The following SYCE2 variants were observed in gnomAD, a reference collection of about 807,000 sequenced individuals.
SYCE2 encodes the protein central element synaptonemal complex 1.
Under a neutral mutation model 27.9 loss-of-function variants are expected in SYCE2, and 3 were observed. The observed-to-expected ratio is 0.11, with a 90% CI of 0.05 to 0.28. The LOEUF is 0.28. SYCE2 is among the 10% of genes least tolerant of loss of function. SYCE2 has a pLI of 1.00. For missense variants in SYCE2, 207 were observed against 263.5 expected (o/e 0.79, Z 1.48); for synonymous variants, 85 against 100.7 (o/e 0.84, Z 0.93).
chr19:12,919,187 TC>T (rs1971196812), intron 1 of SYCE2, 55 bp downstream of exon 1: 2 of 1,603,364 alleles, frequency 1.2e-6, no homozygotes, highest in African/African-American at 2.7e-5. Context: ...TCGCAGCCGT[TC>T]CCTGCCTATC....
At chr19:12,915,601 CAA>C (rs71168634) in intron 2 of SYCE2, among the ~76,000 whole-genome samples, 26 of 81,202 alleles carry the variant, frequency 3.2e-4, no homozygotes, top group Non-Finnish European at 3.2e-4. Flanking sequence ...GACTCCATCT[CAA>C]AAAAAAAAAA....
At chr19:12,916,991 C>T (rs1273861277) in intron 2 of SYCE2, among the ~76,000 whole-genome samples, 1 of 151,998 alleles carries the variant, frequency 6.6e-6, no homozygotes. Flanking sequence ...CTCAAGTTAT[C>T]TGCCAGCGCC....
intron 2 of SYCE2, among the ~76,000 whole-genome samples, chr19:12,911,074 T>C (rs1389034165): frequency 2.6e-5 from 4 of 152,070 alleles, no homozygotes; most frequent in Non-Finnish European, 5.9e-5. Context: ...CAGGCTCAAG[T>C]GATCCTCTCG....
chr19:12,908,231 C>T (rs1970975497), intron 2 of SYCE2, among the ~76,000 whole-genome samples: 1 of 151,876 alleles, frequency 6.6e-6, no homozygotes, highest in Admixed American at 6.6e-5. Flanking sequence ...TCTTTCCTCC[C>T]CATCAAGGCC....
intron 2 of SYCE2, among the ~76,000 whole-genome samples, chr19:12,907,359 C>G (rs1970953390): frequency 6.6e-6 from 1 of 152,232 alleles, no homozygotes; most frequent in African/African-American, 2.4e-5. Flanking sequence ...CGCCACTCCC[C>G]TCCTGGATCT....
chr19:12,909,139 C>T (rs1970998665), intron 2 of SYCE2, among the ~76,000 whole-genome samples: 1 of 152,184 alleles, frequency 6.6e-6, no homozygotes, highest in Admixed American at 6.5e-5. Context: ...TGCTGAAGGG[C>T]CAGGGCCATC....
At chr19:12,905,223 G>A (rs554105951) in intron 2 of SYCE2, among the ~76,000 whole-genome samples, 17 of 152,080 alleles carry the variant, frequency 1.1e-4, no homozygotes, top group Non-Finnish European at 1.0e-4. Flanking sequence ...GACTAAATAT[G>A]CCCAAGGTTC....
chr19:12,913,551 G>T (rs1433664616), intron 2 of SYCE2, among the ~76,000 whole-genome samples: 1 of 152,168 alleles, frequency 6.6e-6, no homozygotes, highest in Admixed American at 6.5e-5. Flanking sequence ...CAGGAAGGGG[G>T]AAGGTTTGAA....
chr19:12,917,676 T>TTTTTTTTTTTA (rs1971161330), intron 2 of SYCE2, among the ~76,000 whole-genome samples: 6 of 146,694 alleles, frequency 4.1e-5, no homozygotes, highest in East Asian at 2.0e-4. Flanking sequence ...TTTTTTTTTT[T>TTTTTTTTTTTA]GAGACAGCGT....
intron 4 of SYCE2, 167 bp downstream of exon 4, chr19:12,900,293 T>A (rs1459043328): frequency 9.5e-7 from 1 of 1,050,524 alleles, no homozygotes; most frequent in East Asian, 2.6e-5. Context: ...AGACACACCA[T>A]GTTATAGGGG....
At chr19:12,919,173 G>C in intron 1 of SYCE2, 70 bp downstream of exon 1, 2 of 1,593,472 alleles carry the variant, frequency 1.3e-6, no homozygotes, top group Non-Finnish European at 1.7e-6. Context: ...GGAGATGGCT[G>C]GGATCGCAGC....
At chr19:12,901,900 G>C (rs1427034387) in intron 3 of SYCE2, among the ~76,000 whole-genome samples, 16 of 152,280 alleles carry the variant, frequency 1.1e-4, no homozygotes, top group African/African-American at 3.8e-4. Flanking sequence ...ACAGGCATGA[G>C]CCACTGCACC....
chr19:12,917,764 A>C (rs1459575147), intron 2 of SYCE2, among the ~76,000 whole-genome samples: 11 of 144,708 alleles, frequency 7.6e-5, no homozygotes. Flanking sequence ...GGTTCAAGCG[A>C]TTCTCCTGCC....
At chr19:12,899,911 C>T in intron 5 of SYCE2, 93 bp downstream of exon 5, 1 of 1,494,738 alleles carries the variant, frequency 6.7e-7, no homozygotes, top group South Asian at 1.1e-5. Context: ...GGGGGTAGTG[C>T]CTTATGCTGG....
At chr19:12,906,839 C>T (rs1483456277) in intron 2 of SYCE2, among the ~76,000 whole-genome samples, 1 of 151,408 alleles carries the variant, frequency 6.6e-6, no homozygotes, top group South Asian at 2.1e-4. Flanking sequence ...ACTCGGGAGC[C>T]GAGATCACAC....
In SYCE2 at chr19:12,919,103, C is replaced by G. The variant is rs561598903; in HGVS notation, c.15+140G>C. 3.6e-4 allele frequency: 401 copies of G among 1,118,418 alleles called. 1 individual carries two copies. The East Asian group carries it at 9.4e-3, about 26-fold the overall frequency. 69.3% of individuals were successfully genotyped at this position (1,118,418 alleles called of 1,614,324 possible). ...GTTCAGTCAGTCAGGAAATTTGAGG[C>G]CAGGCCTGATGAGAGGGAGCCCCAA... is the stretch of plus-strand genomic sequence containing the variant. On this transcript the variant is annotated intron_variant, in intron 1 of 5. Coordinates refer to ENST00000293695, the MANE Select transcript of SYCE2 (RefSeq NM_001105578.2).
chr19:12,900,817 G>A (rs898264485), intron 3 of SYCE2, 169 bp from the exon 4 acceptor site: 34 of 634,666 alleles, frequency 5.4e-5, no homozygotes, highest in Non-Finnish European at 7.2e-5. Context: ...GCCAAGGTGG[G>A]TGGATTACTT....
intron 3 of SYCE2, among the ~76,000 whole-genome samples, chr19:12,904,209 C>T (rs117478632): frequency 0.011 from 1,735 of 152,328 alleles, 10 homozygotes; most frequent in Non-Finnish European, 0.017. Flanking sequence ...CAAGCCTTAT[C>T]TATATCATGG....
At position 12,915,661 on chromosome 19, in the gene SYCE2, C is replaced by T. The variant is rs117727954; in HGVS notation, c.131+2561G>A. The stretch of plus-strand genomic sequence containing the variant: ...TGGGAATTATATCTCAAAGCTGTTA[C>T]TGAAAAAACCTCTAGGATAAAGTCT... On this transcript the variant is annotated intron_variant, in intron 2 of 5. Coordinates refer to ENST00000293695, the MANE Select transcript of SYCE2 (RefSeq NM_001105578.2). Among the ~76,000 whole-genome samples the T allele has an allele frequency of 3.2e-3, 480 of 151,106 alleles. 9 individuals carry two copies. The highest frequency in any genetic ancestry group is 0.028 in the East Asian group (141 of 5,122).
Sources: allele counts gnomAD v4.1 joint callset (sites outside exome capture counted in the v4.1 genomes callset), GRCh38; gene constraint gnomAD v4.1.1; transcripts MANE v1.5; gene names NCBI Gene and HGNC (gene_info 2026-07-23, HGNC 2026-07-21).